Variants in SMARCAD1 observed in about 807,000 individuals in gnomAD.
The protein encoded by SMARCAD1 is SNF2 related chromatin remodeling ATPase with DExD box 1, also known as SWI/SNF-related matrix-associated actin-dependent regulator of chromatin subfamily A containing DEAD/H box 1.
SMARCAD1 carries 25 observed loss-of-function variants against 127.1 expected under a neutral mutation model. The ratio of observed to expected loss-of-function variants is 0.20; its 90% CI spans 0.14 to 0.27. The LOEUF (loss-of-function observed/expected upper bound fraction) is 0.27, where lower values mean the gene tolerates loss of function less well. Ranked by LOEUF, SMARCAD1 falls within the 10% of genes least tolerant of loss-of-function variation. The probability of loss-of-function intolerance (pLI) is 1.00; values close to 1 mark genes in which losing one functional copy is unlikely to be tolerated. For missense variants in SMARCAD1, 807 were observed against 1,206.0 expected (o/e 0.67, Z 4.90); for synonymous variants, 400 against 396.9 (o/e 1.01, Z -0.09).
At chr4:94,270,114 A>G (rs1449298239) in intron 10 of SMARCAD1, among the ~76,000 whole-genome samples, 1 of 151,608 alleles carries the variant, frequency 6.6e-6, no homozygotes, top group African/African-American at 2.4e-5. Flanking sequence ...GCATTTGCTA[A>G]AACATCAGTG....
chr4:94,247,444 A>G (rs1748609537), intron 6 of SMARCAD1, among the ~76,000 whole-genome samples: 1 of 152,208 alleles, frequency 6.6e-6, no homozygotes, highest in Non-Finnish European at 1.5e-5. Flanking sequence ...CAAACAACAC[A>G]TGATAGGCAC....
In SMARCAD1 at chr4:94,278,535, GT is replaced by G; in HGVS notation, c.2178+24del. ...AAGAAGAGGTAATGCATATCTACAT[GT>G]TTTTTATTTTTATTGTTTTTAAAAC... On this transcript the variant is annotated intron_variant, in intron 17 of 23. Transcript: ENST00000354268. 6.2e-7 allele frequency: 1 copy of G among 1,608,582 alleles called. No homozygotes were observed. Among genetic ancestry groups the G allele is most frequent in the Non-Finnish European group, 8.5e-7 (1 of 1,175,452 alleles).
chr4:94,208,858 T>C (rs1163293103), intron 2 of SMARCAD1, among the ~76,000 whole-genome samples: 3 of 152,150 alleles, frequency 2.0e-5, no homozygotes, highest in Admixed American at 1.3e-4. Flanking sequence ...GTCAGAACGG[T>C]TGCTATTGGA....
At chr4:94,248,306 T>A (rs990748578) in intron 6 of SMARCAD1, among the ~76,000 whole-genome samples, 1 of 152,256 alleles carries the variant, frequency 6.6e-6, no homozygotes, top group African/African-American at 2.4e-5. Context: ...TTTATGTGTT[T>A]ACCACAATTT....
At chr4:94,284,059 C>T (rs1196397293) in intron 22 of SMARCAD1, among the ~76,000 whole-genome samples, 1 of 151,834 alleles carries the variant, frequency 6.6e-6, no homozygotes, top group African/African-American at 2.4e-5. Context: ...CGGTGGCTCA[C>T]ACCTGTAATC....
intron 9 of SMARCAD1, chr4:94,253,427 C>A: frequency 8.3e-7 from 1 of 1,211,200 alleles, no homozygotes; most frequent in Non-Finnish European, 1.0e-6. Context: ...ATAGCAACGG[C>A]CAGGGGAGCT....
intron 2 of SMARCAD1, among the ~76,000 whole-genome samples, chr4:94,223,445 A>G (rs2125826008): frequency 6.6e-6 from 1 of 152,244 alleles, no homozygotes; most frequent in South Asian, 2.1e-4. Context: ...ATGAGCTGAG[A>G]TCACGCCACT....
intron 7 of SMARCAD1, among the ~76,000 whole-genome samples, chr4:94,250,189 G>A (rs1332652272): frequency 6.6e-6 from 1 of 151,024 alleles, no homozygotes; most frequent in African/African-American, 2.4e-5. Context: ...TGTTTTCAGA[G>A]TCATTAAAAA....
intron 2 of SMARCAD1, among the ~76,000 whole-genome samples, chr4:94,216,226 G>A (rs963572063): frequency 6.6e-6 from 1 of 152,082 alleles, no homozygotes; most frequent in African/African-American, 2.4e-5. Flanking sequence ...TCCAGCAAAT[G>A]TCACCTCCTA....
rs1579016964 is a variant in SMARCAD1, at chr4:94,218,805, C to A, written c.191-7314C>A. On this transcript the variant is annotated intron_variant, in intron 2 of 23. Coordinates refer to ENST00000354268, the MANE Select transcript of SMARCAD1 (RefSeq NM_020159.5). ...AAATTAAGACTACAGATTTTATAGT[C>A]TATTGTTTTGGTAATAACTCTTTTG... 2.0e-5 allele frequency among the ~76,000 whole-genome samples: 3 copies of A among 152,076 alleles called. No homozygotes were observed. In the South Asian group the frequency reaches 6.2e-4, roughly 32 times the overall value.
intron 2 of SMARCAD1, among the ~76,000 whole-genome samples, chr4:94,219,733 G>T (rs1483421080): frequency 6.6e-6 from 1 of 152,116 alleles, no homozygotes; most frequent in Non-Finnish European, 1.5e-5. Flanking sequence ...GGAAGGACAG[G>T]CTGTTTTCCC....
intron 9 of SMARCAD1, among the ~76,000 whole-genome samples, chr4:94,260,338 T>C (rs1197956352): frequency 1.3e-5 from 2 of 152,110 alleles, no homozygotes; most frequent in Non-Finnish European, 2.9e-5. Flanking sequence ...AATTAATACT[T>C]TTTATTTTAT....
chr4:94,217,008 C>T (rs1034765816), intron 2 of SMARCAD1, among the ~76,000 whole-genome samples: 11 of 152,098 alleles, frequency 7.2e-5, no homozygotes, highest in African/African-American at 2.4e-4. Flanking sequence ...ACCTCCATAC[C>T]GTTTTCCATA....
chr4:94,277,187 A>G (rs772380134), intron 16 of SMARCAD1, 28 bp downstream of exon 16: 2 of 1,612,314 alleles, frequency 1.2e-6, no homozygotes, highest in Middle Eastern at 1.7e-4. Flanking sequence ...TTTTCTCCCA[A>G]ATATGTTATT....
At position 94,278,730 on chromosome 4, in the gene SMARCAD1, T is replaced by C; in HGVS notation, c.2293T>C (p.Leu765=). The C allele has an allele frequency of 6.2e-7, 1 of 1,613,320 alleles. No homozygotes were observed. The highest frequency in any genetic ancestry group is 8.5e-7 in the Non-Finnish European group (1 of 1,179,318). The change falls in exon 18 of 24, where the codon TTG becomes CTG. Residue 765 remains leucine, a synonymous_variant. Coordinates refer to ENST00000354268, the MANE Select transcript of SMARCAD1 (RefSeq NM_020159.5). ...FNRLKKSINN[L]EKNTEMCNVM... is the part of the protein sequence containing the mutation. ...CAGATTGAAAAAATCTATCAATAAC[T>C]TGGGTATAATCTGATTTTTACTCTT...
chr4:94,226,107 A>G lies in SMARCAD1; in HGVS notation c.191-12A>G, dbSNP rs201013072. 2.5e-6 allele frequency: 4 copies of G among 1,602,492 alleles called. No homozygotes were observed. The highest frequency in any genetic ancestry group is 3.4e-6 in the Non-Finnish European group (4 of 1,171,094). The stretch of plus-strand genomic sequence containing the variant: ...TGCTCAAAATATTTTTCTCCTTTTT[A>G]TTCTCTTGCAGAAGATTCTAGTGTT... On this transcript the variant is annotated splice_polypyrimidine_tract_variant and intron_variant, in intron 2 of 23. Coordinates refer to ENST00000354268, the MANE Select transcript of SMARCAD1 (RefSeq NM_020159.5).
rs1382376036 is a variant in SMARCAD1 at position 94,289,543 on chromosome 4, C to G, written c.*9C>G. 1.6e-5 allele frequency: 26 copies of G among 1,606,830 alleles called. No homozygotes were observed. The highest frequency in any genetic ancestry group is 8.3e-5 in the Admixed American group (5 of 59,968). On this transcript the variant is annotated 3_prime_UTR_variant, in exon 24 of 24. Transcript: ENST00000354268. ...CATCAATGGGCCTGTGAAATAAGAACTGTGAACTCTCAATTGATGAGGAAA... is the reference window on the plus strand; with the variant it reads ...CATCAATGGGCCTGTGAAATAAGAAGTGTGAACTCTCAATTGATGAGGAAA...
At position 94,223,518 on chromosome 4, in the gene SMARCAD1, AAG is replaced by A. The variant is rs1157754744; in HGVS notation, c.191-2596_191-2595del. Among the ~76,000 whole-genome samples the A allele has an allele frequency of 5.3e-5, 8 of 151,868 alleles. No individual in the cohort carries two copies. In the South Asian group the frequency reaches 1.3e-3, roughly 24 times the overall value. ...AAAAATAAATAAATAAATAACAATAAAGAGAGTTTTTAAGGAAAACTGGACAA... is the reference window on the plus strand; with the variant it reads ...AAAAATAAATAAATAAATAACAATAAAGAGTTTTTAAGGAAAACTGGACAA... On this transcript the variant is annotated intron_variant, in intron 2 of 23. Coordinates refer to ENST00000354268, the MANE Select transcript of SMARCAD1 (RefSeq NM_020159.5).
At position 94,207,956 on chromosome 4, in the gene SMARCAD1, C is replaced by T. The variant is rs114958037; in HGVS notation, c.-164C>T. ...GTCCCCGCAGTGTCGAGGCGCGGGC[C>T]CTGGCAGGTCCTTTCTCGAGGCAGG... On this transcript the variant is annotated 5_prime_UTR_variant, in exon 1 of 24. Transcript: ENST00000354268. 3,066 of 358,260 alleles carry T rather than the reference C, an allele frequency of 8.6e-3. 18 individuals are homozygous for T. Among genetic ancestry groups the T allele is most frequent in the Middle Eastern group, 0.015 (15 of 992 alleles). 22.2% of individuals were successfully genotyped at this position (358,260 alleles called of 1,614,324 possible).
Sources: gnomAD v4.1 joint callset for allele counts (sites outside exome capture counted in the v4.1 genomes callset) on GRCh38, gnomAD v4.1.1 for gene constraint, MANE v1.5 for transcripts, NCBI Gene and HGNC (gene_info 2026-07-23, HGNC 2026-07-21) for gene names.